Variants in SLTM observed in about 807,000 individuals in gnomAD.
SLTM encodes the protein SAFB-like transcription modulator.
In SLTM, 43 loss-of-function variants were observed where a neutral mutation model predicts 134.6. The observed-to-expected ratio is 0.32, with a 90% confidence interval of 0.25 to 0.41. The LOEUF (loss-of-function observed/expected upper bound fraction) is 0.41. Among genes scored for constraint, SLTM ranks in the 10% least tolerant of loss-of-function variants. SLTM has a pLI of 1.00. For synonymous variants in SLTM, 424 were observed against 432.3 expected (o/e 0.98, Z 0.24); for missense variants, 1,055 against 1,288.8 (o/e 0.82, Z 2.78).
chr15:58,907,244 G>A (rs558628019), intron 5 of SLTM, among the ~76,000 whole-genome samples: 6 of 152,124 alleles, frequency 3.9e-5, no homozygotes, highest in Admixed American at 3.9e-4. Flanking sequence ...TGAAACATTA[G>A]GTGCAAAGGC....
chr15:58,933,236 G>T (rs1047775202), intron 1 of SLTM, among the ~76,000 whole-genome samples, 168 bp downstream of exon 1: 3 of 151,816 alleles, frequency 2.0e-5, no homozygotes, highest in East Asian at 3.9e-4. Context: ...GGGCACCGCG[G>T]AAGGGTCCCC....
chr15:58,926,088 T>G (rs1473708984), intron 2 of SLTM, among the ~76,000 whole-genome samples: 1 of 152,186 alleles, frequency 6.6e-6, no homozygotes, highest in Non-Finnish European at 1.5e-5. Flanking sequence ...TACATACTGA[T>G]GCCTGGGCCC....
intron 9 of SLTM, among the ~76,000 whole-genome samples, chr15:58,896,085 G>A (rs1472747033): frequency 2.0e-5 from 3 of 152,102 alleles, no homozygotes; most frequent in Admixed American, 6.5e-5. Flanking sequence ...TCAGGGATGC[G>A]GCTCACAATT....
chr15:58,888,234 G>T, intron 17 of SLTM, 151 bp downstream of exon 17: 1 of 573,484 alleles, frequency 1.7e-6, no homozygotes, highest in Non-Finnish European at 2.9e-6. Flanking sequence ...TTGGAATACT[G>T]AATCACATTC....
Position 58,893,856 on chromosome 15 carries a change from T to A in SLTM, c.1613A>T (p.Glu538Val), listed in dbSNP as rs776983972. The A allele has an allele frequency of 3.1e-6, 5 of 1,612,952 alleles. No individual in the cohort carries two copies. Among genetic ancestry groups the A allele is most frequent in the Non-Finnish European group, 3.4e-6 (4 of 1,179,800 alleles). The stretch of plus-strand genomic sequence containing the variant: ...CTTTTCTTCACTTTTTTTAATCGAT[T>A]CTGATGTTTGGCCACTTGCTCCATT... ...NDNGASGQTS[E>V]SIKKSEEKKR... Residue 538 changes from glutamate to valine, a missense_variant, in exon 12 of 21, where the codon GAA becomes GTA. Coordinates refer to ENST00000380516, the MANE Select transcript of SLTM (RefSeq NM_024755.4).
intron 5 of SLTM, among the ~76,000 whole-genome samples, chr15:58,908,149 T>C (rs1371879600): frequency 6.6e-6 from 1 of 151,788 alleles, no homozygotes; most frequent in Admixed American, 6.6e-5. Context: ...CTCAACCTCC[T>C]GGACTCAAGC....
At chr15:58,924,353 T>C (rs2037313536) in intron 2 of SLTM, among the ~76,000 whole-genome samples, 2 of 152,206 alleles carry the variant, frequency 1.3e-5, no homozygotes, top group South Asian at 2.1e-4. Context: ...AAGACAAGAC[T>C]ATAAACATTT....
At chr15:58,887,154 A>G (rs1406324695) in intron 18 of SLTM, 35 bp from the exon 19 acceptor site, 2 of 1,613,136 alleles carry the variant, frequency 1.2e-6, no homozygotes, top group Admixed American at 3.3e-5. Context: ...ACATGATCAA[A>G]ACTGTAATCT....
At chr15:58,914,420 C>A (rs2036489347) in intron 3 of SLTM, among the ~76,000 whole-genome samples, 1 of 152,154 alleles carries the variant, frequency 6.6e-6, no homozygotes, top group Non-Finnish European at 1.5e-5. Flanking sequence ...GTGAAAGAGG[C>A]AGAGGCATGA....
chr15:58,904,361 G>A (rs2035715793), intron 5 of SLTM, among the ~76,000 whole-genome samples: 1 of 152,088 alleles, frequency 6.6e-6, no homozygotes, highest in African/African-American at 2.4e-5. Context: ...TTTGGACTAA[G>A]TTAAAGTGTG....
chr15:58,919,866 G>A (rs961560916), intron 2 of SLTM, among the ~76,000 whole-genome samples: 2 of 152,170 alleles, frequency 1.3e-5, no homozygotes, highest in East Asian at 1.9e-4. Context: ...AAGAGAAAAT[G>A]AGCCTGAGAG....
chr15:58,900,739 A>T (rs1158300318), intron 6 of SLTM: 1 of 157,806 alleles, frequency 6.3e-6, no homozygotes, highest in African/African-American at 2.4e-5. Flanking sequence ...TACTGACCAC[A>T]TGTATTGCTA....
intron 20 of SLTM, among the ~76,000 whole-genome samples, chr15:58,881,715 T>C (rs1387263570): frequency 1.3e-5 from 2 of 152,102 alleles, no homozygotes; most frequent in Admixed American, 6.5e-5. Context: ...AACACAATAA[T>C]TGGGAAGATC....
At chr15:58,886,147 C>CA (rs1276787878) in intron 19 of SLTM, among the ~76,000 whole-genome samples, 3 of 145,444 alleles carry the variant, frequency 2.1e-5, no homozygotes, top group Admixed American at 6.9e-5. Context: ...GATAAGAAGA[C>CA]AAAAAATAGA....
At chr15:58,914,616 T>A (rs1317143980) in intron 3 of SLTM, among the ~76,000 whole-genome samples, 1 of 152,124 alleles carries the variant, frequency 6.6e-6, no homozygotes, top group East Asian at 1.9e-4. Flanking sequence ...ATGGCTGTAT[T>A]ATGGCAGAAG....
chr15:58,886,946 GC>G, intron 19 of SLTM, 28 bp downstream of exon 19: 1 of 1,611,286 alleles, frequency 6.2e-7, no homozygotes, highest in Non-Finnish European at 8.5e-7. Context: ...ATGTGTGCAG[GC>G]TCGCGGCAAG....
rs1365231973 is a variant in SLTM at position 58,897,195 on chromosome 15, T to C, written c.1147A>G (p.Thr383Ala). Residue 383 changes from threonine (T) to alanine (A), a missense_variant, in exon 9 of 21, where the codon ACT (threonine) becomes GCT (alanine). Thr to Ala is a moderately conservative substitution (Grantham distance 58, BLOSUM62 0). Transcript: ENST00000380516. Reference sequence around the variant, plus strand: ...AGTCCACTAACCCAGATATTTTTAGTTGAGCTTCCACTGCTACCACTAGTA... The same window carrying C: ...AGTCCACTAACCCAGATATTTTTAGCTGAGCTTCCACTGCTACCACTAGTA... ...SSTSGSSGSSTKNIWVSGLSS... is the reference protein window; with the variant it reads ...SSTSGSSGSSAKNIWVSGLSS... The C allele has an allele frequency of 7.4e-6, 12 of 1,612,648 alleles. No homozygotes were observed. The African/African-American group carries it at 1.2e-4, about 16-fold the overall frequency.
chr15:58,932,599 C>T (rs962921732), intron 1 of SLTM, among the ~76,000 whole-genome samples, 156 bp from the exon 2 acceptor site: 1 of 152,088 alleles, frequency 6.6e-6, no homozygotes, highest in Non-Finnish European at 1.5e-5. Context: ...TTAAACTACA[C>T]GAAAGAGTGA....
intron 5 of SLTM, among the ~76,000 whole-genome samples, chr15:58,909,281 C>T (rs937375906): frequency 2.0e-5 from 3 of 152,018 alleles, no homozygotes; most frequent in Non-Finnish European, 4.4e-5. Context: ...ATAATAACTG[C>T]GATGGACCAA....
Sources: gnomAD v4.1 joint callset for allele counts (sites outside exome capture counted in the v4.1 genomes callset) on GRCh38, gnomAD v4.1.1 for gene constraint, MANE v1.5 for transcripts, NCBI Gene and HGNC (gene_info 2026-07-23, HGNC 2026-07-21) for gene names.